PLEKHA8: variants seen among roughly 807,000 people sequenced by gnomAD.
PLEKHA8 encodes pleckstrin homology domain containing A8.
A neutral mutation model predicts 68.2 loss-of-function variants in PLEKHA8; 36 were observed. The ratio of observed to expected loss-of-function variants is 0.53; its 90% confidence interval spans 0.40 to 0.70. The LOEUF (loss-of-function observed/expected upper bound fraction) is 0.70. Among genes scored for constraint, PLEKHA8 ranks in the 30% least tolerant of loss-of-function variants. PLEKHA8 has a pLI of 0.00. For synonymous variants in PLEKHA8, 211 were observed against 216.1 expected (o/e 0.98, Z 0.20); for missense variants, 505 against 615.4 (o/e 0.82, Z 1.90).
chr7:30,029,106 C>T (rs1248494836), intron 1 of PLEKHA8, among the ~76,000 whole-genome samples: 1 of 152,200 alleles, frequency 6.6e-6, no homozygotes, highest in Non-Finnish European at 1.5e-5. Context: ...GAGGAAGGCG[C>T]AGACGCCCCG....
chr7:30,083,015 A>G lies in PLEKHA8; in HGVS notation c.*4228A>G. 1 of 984,856 alleles carries G rather than the reference A, an allele frequency of 1.0e-6. No individual in the cohort carries two copies. Among genetic ancestry groups the G allele is most frequent in the Non-Finnish European group, 1.2e-6 (1 of 829,476 alleles). 61.0% of individuals were successfully genotyped at this position (984,856 alleles called of 1,614,324 possible). A position where few individuals can be genotyped will look rare whatever the true frequency, so the allele number is the denominator to read the frequency against. On this transcript the variant is annotated 3_prime_UTR_variant, in exon 14 of 14. Transcript: ENST00000449726. ...TTTTACAAGTATTCAGCTCTCCCTC[A>G]TGTTTCATTTCTTTTTTTAAGATAA...
Position 30,079,459 on chromosome 7 carries a change from A to T in PLEKHA8, c.*672A>T. On this transcript the variant is annotated 3_prime_UTR_variant, in exon 14 of 14. Transcript: ENST00000449726. ...GCCCTAGCCCCAAGTTGGAGGGGAG[A>T]ATATGAGAGAGGTGGGACAGGTCAT... 5.1e-6 allele frequency: 5 copies of T among 985,376 alleles called. No homozygotes were observed. The highest frequency in any genetic ancestry group is 6.0e-6 in the Non-Finnish European group (5 of 829,940). 61.0% of individuals were successfully genotyped at this position (985,376 alleles called of 1,614,324 possible).
downstream of PLEKHA8, among the ~76,000 whole-genome samples, chr7:30,088,945 T>G: frequency 6.6e-6 from 1 of 151,450 alleles, no homozygotes; most frequent in African/African-American, 2.4e-5. Context: ...TGGGATGGAG[T>G]TTGCTGGGGA....
intron 11 of PLEKHA8, 151 bp from the exon 12 acceptor site, chr7:30,062,521 A>C: frequency 1.5e-6 from 1 of 647,394 alleles, no homozygotes; most frequent in Non-Finnish European, 2.8e-6. Flanking sequence ...AGTGAAGGGA[A>C]GAGGTTCAGG....
At chr7:30,061,623 G>T (rs772264916) in intron 10 of PLEKHA8, among the ~76,000 whole-genome samples, 1 of 152,160 alleles carries the variant, frequency 6.6e-6, no homozygotes, top group Non-Finnish European at 1.5e-5. Flanking sequence ...AGAGTGAAAA[G>T]TATCTGCCAA....
chr7:30,068,833 C>A (rs1330233148), intron 12 of PLEKHA8, among the ~76,000 whole-genome samples: 1 of 152,118 alleles, frequency 6.6e-6, no homozygotes, highest in Non-Finnish European at 1.5e-5. Flanking sequence ...ACATTTTCTT[C>A]TCGAAGTTTT....
downstream of PLEKHA8, among the ~76,000 whole-genome samples, chr7:30,092,863 G>T (rs1795471526): frequency 6.6e-6 from 1 of 152,186 alleles, no homozygotes. Flanking sequence ...TGAGGATAGA[G>T]ATACGACATT....
Position 30,079,322 on chromosome 7 carries a change from T to C in PLEKHA8, c.*535T>C, listed in dbSNP as rs183307344. On this transcript the variant is annotated 3_prime_UTR_variant, in exon 14 of 14. Transcript: ENST00000449726. ...GTGATAAGGGCCTGTGTAGTAAAGA[T>C]GTTCAGGGCATTCACATGACCATGC... 2 of 986,504 alleles carry C rather than the reference T, an allele frequency of 2.0e-6. No homozygotes were observed. Among genetic ancestry groups the C allele is most frequent in the African/African-American group, 3.5e-5 (2 of 57,334 alleles). 61.1% of individuals were successfully genotyped at this position (986,504 alleles called of 1,614,324 possible). A position where few individuals can be genotyped will look rare whatever the true frequency, so the allele number is the denominator to read the frequency against.
intron 4 of PLEKHA8, 92 bp from the exon 5 acceptor site, chr7:30,049,132 T>C: frequency 6.8e-7 from 1 of 1,464,948 alleles, no homozygotes; most frequent in Non-Finnish European, 9.5e-7. Context: ...TACATTATTA[T>C]TATTTTGTGG....
rs1795069792 is a variant in PLEKHA8, at chr7:30,083,950, C to T, written c.*5163C>T. 4 of 985,442 alleles carry T rather than the reference C, an allele frequency of 4.1e-6. No individual in the cohort carries two copies. The highest frequency in any genetic ancestry group is 3.6e-6 in the Non-Finnish European group (3 of 829,900). The allele number at this position is 985,442 out of a possible 1,614,324, so 61.0% of individuals were successfully genotyped here. A position where few individuals can be genotyped will look rare whatever the true frequency, so the allele number is the denominator to read the frequency against. On this transcript the variant is annotated 3_prime_UTR_variant, in exon 14 of 14. Transcript: ENST00000449726. The stretch of plus-strand genomic sequence containing the variant: ...GGAGTCAGTGTTGATAGGAAGGATG[C>T]TCTAGAAGTACTTCTGTTGTTTCCT...
Position 30,052,712 on chromosome 7 carries a change from A to G in PLEKHA8, c.642A>G (p.Gln214=), listed in dbSNP as rs755957631. 1 of 1,540,756 alleles carries G rather than the reference A, an allele frequency of 6.5e-7. No individual in the cohort carries two copies. Among genetic ancestry groups the G allele is most frequent in the Non-Finnish European group, 8.7e-7 (1 of 1,151,782 alleles). Residue 214 remains glutamine (Q), a synonymous_variant, in exon 7 of 14, where the codon CAA becomes CAG. Transcript: ENST00000449726. ...IIPIHNSLER[Q]MELSTCENGS... Reference sequence around the variant, plus strand: ...TTTCCTTTTAAAAAATTTGCAGGCAAATGGAGTTGAGCACTTGTGAAAATG... The same window carrying G: ...TTTCCTTTTAAAAAATTTGCAGGCAGATGGAGTTGAGCACTTGTGAAAATG...
chr7:30,037,077 C>T (rs1458472267), intron 1 of PLEKHA8, among the ~76,000 whole-genome samples: 1 of 152,166 alleles, frequency 6.6e-6, no homozygotes, highest in Non-Finnish European at 1.5e-5. Flanking sequence ...TATTGGAAAA[C>T]ACCAAGGCTA....
intron 9 of PLEKHA8, among the ~76,000 whole-genome samples, chr7:30,056,959 GTT>G (rs1793041237): frequency 6.8e-6 from 1 of 147,036 alleles, no homozygotes; most frequent in African/African-American, 2.5e-5. Flanking sequence ...ATATAAAAAA[GTT>G]TATTTAGGTC....
At chr7:30,051,706 G>T (rs752339701) in intron 6 of PLEKHA8, among the ~76,000 whole-genome samples, 1 of 152,162 alleles carries the variant, frequency 6.6e-6, no homozygotes, top group Non-Finnish European at 1.5e-5. Flanking sequence ...GGGCATGGTG[G>T]CTCACGCCTA....
In PLEKHA8 at chr7:30,079,754, AC is replaced by A; in HGVS notation, c.*969del. Reference sequence around the variant, plus strand: ...CCCAGGCCTTATTTTGGCCTAAAGAACCAGAGTCTAGGTGGTGGGACATAGG... The same window carrying A: ...CCCAGGCCTTATTTTGGCCTAAAGAACAGAGTCTAGGTGGTGGGACATAGG... On this transcript the variant is annotated 3_prime_UTR_variant, in exon 14 of 14. Coordinates refer to ENST00000449726, the MANE Select transcript of PLEKHA8 (RefSeq NM_001197026.2). The A allele has an allele frequency of 1.5e-6, 1 of 682,960 alleles. No homozygotes were observed. The highest frequency in any genetic ancestry group is 6.6e-5 in the South Asian group (1 of 15,080). The allele number at this position is 682,960 out of a possible 1,614,324, so 42.3% of individuals were successfully genotyped here. A position where few individuals can be genotyped will look rare whatever the true frequency, so the allele number is the denominator to read the frequency against.
At chr7:30,124,693 C>CT (rs1173136356) in intron 13 of PLEKHA8, among the ~76,000 whole-genome samples, 2 of 152,130 alleles carry the variant, frequency 1.3e-5, no homozygotes, top group African/African-American at 4.8e-5. Flanking sequence ...GTTGACCTTA[C>CT]TAGATCCTCG....
At chr7:30,115,363 A>G (rs1796394142) in intron 13 of PLEKHA8, among the ~76,000 whole-genome samples, 1 of 152,152 alleles carries the variant, frequency 6.6e-6, no homozygotes, top group African/African-American at 2.4e-5. Context: ...CAAACTACTC[A>G]TTGTACCACT....
intron 3 of PLEKHA8, 65 bp downstream of exon 3, chr7:30,046,430 C>G: frequency 6.7e-7 from 1 of 1,490,858 alleles, no homozygotes; most frequent in Non-Finnish European, 9.0e-7. Flanking sequence ...TCTGATTTCC[C>G]TTATTTGTTA....
intron 13 of PLEKHA8, chr7:30,117,999 G>A: frequency 5.9e-6 from 9 of 1,530,858 alleles, no homozygotes; most frequent in South Asian, 1.2e-5. Context: ...GGTGGCCCAG[G>A]AGGGCTGTCA....
Sources: gnomAD v4.1 joint callset for allele counts (sites outside exome capture counted in the v4.1 genomes callset) on GRCh38, gnomAD v4.1.1 for gene constraint, MANE v1.5 for transcripts, NCBI Gene and HGNC (gene_info 2026-07-23, HGNC 2026-07-21) for gene names.